NAALADL2: variants seen among roughly 807,000 people sequenced by gnomAD.
The protein encoded by NAALADL2 is N-acetylated alpha-linked acidic dipeptidase like 2, also known as inactive N-acetylated-alpha-linked acidic dipeptidase-like protein 2.
Under a neutral mutation model 87.2 loss-of-function variants are expected in NAALADL2, and 76 were observed. The ratio of observed to expected loss-of-function variants is 0.87; its 90% CI spans 0.72 to 1.05. The LOEUF is 1.05. Ranked by LOEUF, NAALADL2 falls within the 50% of genes least tolerant of loss-of-function variation. The pLI, the probability that NAALADL2 is intolerant of heterozygous loss-of-function variation, is 0.00. For synonymous variants in NAALADL2, 354 were observed against 331.0 expected (o/e 1.07, Z -0.75); for missense variants, 1,089 against 945.8 (o/e 1.15, Z -1.99).
At chr3:174,499,803 A>T (rs1227632111) in intron 1 of NAALADL2, among the ~76,000 whole-genome samples, 6 of 152,078 alleles carry the variant, frequency 3.9e-5, no homozygotes, top group Non-Finnish European at 1.5e-5. Flanking sequence ...CTAAGCTGAC[A>T]CTGTACTTTC....
intron 5 of NAALADL2, among the ~76,000 whole-genome samples, chr3:175,362,366 A>G (rs1765123251): frequency 6.8e-6 from 1 of 147,802 alleles, no homozygotes; most frequent in African/African-American, 2.5e-5. Context: ...TTTTGGTTCC[A>G]TATGAACTTT....
chr3:175,155,867 C>T (rs190110443), intron 2 of NAALADL2, among the ~76,000 whole-genome samples: 239 of 152,026 alleles, frequency 1.6e-3, no homozygotes, highest in Non-Finnish European at 2.8e-3. Context: ...CCCCACGTAA[C>T]GGTAATGTCC....
At chr3:174,912,019 A>C (rs780334888) in intron 1 of NAALADL2, among the ~76,000 whole-genome samples, 1 of 152,134 alleles carries the variant, frequency 6.6e-6, no homozygotes, top group African/African-American at 2.4e-5. Flanking sequence ...CCATTATAAC[A>C]GTTGCCAATT....
At chr3:174,978,835 T>C (rs748916870) in intron 1 of NAALADL2, among the ~76,000 whole-genome samples, 1 of 152,220 alleles carries the variant, frequency 6.6e-6, no homozygotes, top group Non-Finnish European at 1.5e-5. Flanking sequence ...AGAAATGATA[T>C]AGTAGTTTCC....
chr3:174,755,969 T>C (rs1712002100), intron 3 of NAALADL2, among the ~76,000 whole-genome samples: 1 of 152,226 alleles, frequency 6.6e-6, no homozygotes, highest in Admixed American at 6.5e-5. Flanking sequence ...CTGCTGTGTT[T>C]ATTGATCTAT....
At chr3:175,790,774 T>C (rs2108288253) in intron 13 of NAALADL2, among the ~76,000 whole-genome samples, 1 of 152,364 alleles carries the variant, frequency 6.6e-6, no homozygotes, top group South Asian at 2.1e-4. Flanking sequence ...TCTGTGTAAG[T>C]CTGTCCAAAA....
At chr3:174,492,040 T>G (rs1458495517) in intron 1 of NAALADL2, among the ~76,000 whole-genome samples, 1 of 151,958 alleles carries the variant, frequency 6.6e-6, no homozygotes, top group Non-Finnish European at 1.5e-5. Flanking sequence ...GAGGCCAAGG[T>G]GGGTGGATCA....
At chr3:174,574,600 C>T (rs1342084723) in intron 2 of NAALADL2, among the ~76,000 whole-genome samples, 3 of 152,070 alleles carry the variant, frequency 2.0e-5, no homozygotes, top group Non-Finnish European at 4.4e-5. Flanking sequence ...TAGTGAAATA[C>T]TCAAATATTA....
At chr3:175,535,549 T>C (rs754809266) in intron 9 of NAALADL2, among the ~76,000 whole-genome samples, 5 of 152,184 alleles carry the variant, frequency 3.3e-5, no homozygotes, top group Non-Finnish European at 7.3e-5. Context: ...ACACTTTCTG[T>C]CTCAATCTCA....
intron 2 of NAALADL2, among the ~76,000 whole-genome samples, chr3:175,226,703 A>G (rs932815492): frequency 2.0e-5 from 3 of 152,120 alleles, no homozygotes; most frequent in Non-Finnish European, 4.4e-5. Context: ...ATGTTATTTT[A>G]GAAGGTAAGA....
intron 2 of NAALADL2, among the ~76,000 whole-genome samples, chr3:174,570,570 A>G (rs1179611629): frequency 6.6e-6 from 1 of 152,138 alleles, no homozygotes; most frequent in Non-Finnish European, 1.5e-5. Flanking sequence ...AGGGGATTCA[A>G]CAGTAGGAAG....
intron 1 of NAALADL2, among the ~76,000 whole-genome samples, chr3:175,074,228 C>T (rs927917621): frequency 3.9e-5 from 6 of 152,074 alleles, no homozygotes; most frequent in Non-Finnish European, 8.8e-5. Context: ...AGAATAATTA[C>T]TAACCTTTGT....
At chr3:175,259,834 C>T (rs6764303) in intron 4 of NAALADL2, among the ~76,000 whole-genome samples, 15,268 of 152,094 alleles carry the variant, frequency 0.1, 1,966 homozygotes, top group African/African-American at 0.3. Flanking sequence ...TCAAGACCAG[C>T]CTGGCCAATA....
chr3:174,571,606 C>T (rs1267945789), intron 2 of NAALADL2, among the ~76,000 whole-genome samples: 2 of 151,850 alleles, frequency 1.3e-5, no homozygotes, highest in African/African-American at 2.4e-5. Context: ...CTCGAGCTCC[C>T]GACCTCCAGT....
intron 13 of NAALADL2, among the ~76,000 whole-genome samples, chr3:175,787,159 C>T (rs1752112590): frequency 6.6e-6 from 1 of 152,180 alleles, no homozygotes; most frequent in Non-Finnish European, 1.5e-5. Context: ...TTACTGCTGT[C>T]TTTTTGTTTG....
intron 2 of NAALADL2, among the ~76,000 whole-genome samples, chr3:175,174,305 C>T (rs980078985): frequency 6.6e-6 from 1 of 152,208 alleles, no homozygotes; most frequent in Admixed American, 6.5e-5. Context: ...GCCAACTAAG[C>T]GGCTTTTTAT....
At chr3:175,740,399 G>A (rs1745068130) in intron 12 of NAALADL2, among the ~76,000 whole-genome samples, 1 of 152,190 alleles carries the variant, frequency 6.6e-6, no homozygotes, top group Non-Finnish European at 1.5e-5. Flanking sequence ...AGAGTCATTT[G>A]AACCAGAGTG....
At chr3:175,600,215 C>T (rs1198408230) in intron 10 of NAALADL2, among the ~76,000 whole-genome samples, 1 of 151,730 alleles carries the variant, frequency 6.6e-6, no homozygotes, top group African/African-American at 2.4e-5. Flanking sequence ...ATATATTCCT[C>T]TTTCTATATA....
intron 1 of NAALADL2, among the ~76,000 whole-genome samples, chr3:174,994,742 C>T (rs1206499783): frequency 6.6e-6 from 1 of 152,134 alleles, no homozygotes; most frequent in African/African-American, 2.4e-5. Context: ...TTTCACTAAT[C>T]TTAGTCTATT....
Sources: allele counts gnomAD v4.1 joint callset (sites outside exome capture counted in the v4.1 genomes callset), GRCh38; gene constraint gnomAD v4.1.1; transcripts MANE v1.5; gene names NCBI Gene and HGNC (gene_info 2026-07-23, HGNC 2026-07-21).